PRSS23: variants seen among roughly 807,000 people sequenced by gnomAD.
The protein encoded by PRSS23 is serine protease 23.
Under a neutral mutation model 34.7 loss-of-function variants are expected in PRSS23, and 25 were observed. That is an observed-to-expected ratio of 0.72 (90% CI 0.53 to 1.01). PRSS23 has a LOEUF of 1.01. Among genes scored for constraint, PRSS23 ranks in the 50% least tolerant of loss-of-function variants. The probability of loss-of-function intolerance (pLI) is 0.00; values close to 1 mark genes in which losing one functional copy is unlikely to be tolerated. For missense variants in PRSS23, 445 were observed against 475.6 expected (o/e 0.94, Z 0.60); for synonymous variants, 176 against 186.6 (o/e 0.94, Z 0.46).
At chr11:86,823,259 A>G (rs2134876343) in intron 1 of PRSS23, 3 of 623,976 alleles carry the variant, frequency 4.8e-6, no homozygotes, top group East Asian at 2.7e-5. Flanking sequence ...AAAAAAATGT[A>G]TGATTAATCT....
chr11:86,813,072 T>C (rs7108490), downstream of PRSS23, among the ~76,000 whole-genome samples: 22,498 of 152,172 alleles, frequency 0.15, 2,252 homozygotes, highest in East Asian at 0.42. Flanking sequence ...ATCTGACTCA[T>C]TGCAGTGATG....
Position 86,856,007 on chromosome 11 carries a change from A to G in PRSS23, c.206+32414A>G, listed in dbSNP as rs555870239. ...ATTGAAACAAATTTTTTAAAAATAT[A>G]TATTTTAAAAATGTCTCAGAATGTG... On this transcript the variant is annotated intron_variant, in intron 2 of 2. Coordinates refer to the PRSS23 transcript ENST00000533902. Among the ~76,000 whole-genome samples, 303 of 152,326 alleles carry G rather than the reference A, an allele frequency of 2.0e-3. 1 individual carries two copies. Among genetic ancestry groups the G allele is most frequent in the African/African-American group, 7.0e-3 (292 of 41,582 alleles).
chr11:86,820,538 T>C (rs1948244530), intron 1 of PRSS23, among the ~76,000 whole-genome samples: 1 of 152,204 alleles, frequency 6.6e-6, no homozygotes, highest in Admixed American at 6.5e-5. Context: ...CCTTTCCAAG[T>C]ATGTTATACT....
At chr11:86,862,407 G>A (rs769652476) in intron 2 of PRSS23, among the ~76,000 whole-genome samples, 8 of 151,754 alleles carry the variant, frequency 5.3e-5, no homozygotes, top group Middle Eastern at 3.5e-3. Context: ...ATATGTTACC[G>A]TAATGTCACA....
intron 2 of PRSS23, among the ~76,000 whole-genome samples, chr11:86,839,957 AACATGG>A (rs1277809983): frequency 3.3e-5 from 5 of 151,858 alleles, no homozygotes; most frequent in Non-Finnish European, 1.5e-5. Context: ...GGAAGCACTA[AACATGG>A]AAAGGAACAA....
At chr11:86,877,048 AT>A (rs1206730215) in intron 2 of PRSS23, among the ~76,000 whole-genome samples, 2 of 152,210 alleles carry the variant, frequency 1.3e-5, no homozygotes, top group African/African-American at 2.4e-5. Context: ...GAGGCACTTC[AT>A]GGTGCACTGG....
Position 86,878,583 on chromosome 11 carries a change from G to A in PRSS23, c.206+54990G>A, listed in dbSNP as rs529056388. On this transcript the variant is annotated intron_variant, in intron 2 of 2. Transcript: ENST00000533902. ...CTCAGTGCTCAATGGGGCCCAGGCT[G>A]GAGTGCAGTGGCGTGATCTCGGCTC... is the stretch of plus-strand genomic sequence containing the variant. 6.7e-3 allele frequency among the ~76,000 whole-genome samples: 1,013 copies of A among 152,250 alleles called. 7 individuals carry two copies. The highest frequency in any genetic ancestry group is 8.9e-3 in the Non-Finnish European group (604 of 68,026).
At chr11:86,848,117 C>T (rs1948501336) in intron 2 of PRSS23, among the ~76,000 whole-genome samples, 1 of 152,230 alleles carries the variant, frequency 6.6e-6, no homozygotes, top group South Asian at 2.1e-4. Flanking sequence ...CCCCTTCTCA[C>T]TCTCAAATTT....
chr11:86,858,887 A>G (rs969986327), intron 2 of PRSS23, among the ~76,000 whole-genome samples: 1 of 151,790 alleles, frequency 6.6e-6, no homozygotes, highest in African/African-American at 2.4e-5. Flanking sequence ...ACCCCCTGTG[A>G]TATTGTTCCT....
At position 86,943,539 on chromosome 11, in the gene PRSS23, A is replaced by T. The variant is rs185441126; in HGVS notation, c.207-7677A>T. Among the ~76,000 whole-genome samples, 248 of 152,094 alleles carry T rather than the reference A, an allele frequency of 1.6e-3. 3 individuals are homozygous for T. The East Asian group carries it at 0.045, about 27-fold the overall frequency. ...CTCAGGAGGCTGAGGAAGGAGAATC[A>T]CTTGAACCAGGGAGGCGGAGGTTGC... On this transcript the variant is annotated intron_variant, in intron 2 of 2. Coordinates refer to the PRSS23 transcript ENST00000533902.
chr11:86,891,053 C>G (rs1266579437), intron 2 of PRSS23, among the ~76,000 whole-genome samples: 1 of 152,122 alleles, frequency 6.6e-6, no homozygotes, highest in Admixed American at 6.6e-5. Context: ...AGGGCTTGGT[C>G]TAAAACACCT....
At chr11:86,931,383 A>G (rs1475871917) in intron 2 of PRSS23, among the ~76,000 whole-genome samples, 1 of 152,204 alleles carries the variant, frequency 6.6e-6, no homozygotes, top group Non-Finnish European at 1.5e-5. Context: ...ATTGTGGTGT[A>G]TTTCTACAAT....
At chr11:86,932,390 G>C (rs1260185814) in intron 2 of PRSS23, among the ~76,000 whole-genome samples, 2 of 152,198 alleles carry the variant, frequency 1.3e-5, no homozygotes, top group Non-Finnish European at 2.9e-5. Context: ...GTCAGTTCCT[G>C]AAGCAGGGGC....
chr11:86,949,379 G>A (rs1439330012), intron 2 of PRSS23: 4 of 150,502 alleles, frequency 2.7e-5, no homozygotes, highest in Admixed American at 1.3e-4. Context: ...TTGAGTCCCT[G>A]GAAATGTTTT....
chr11:86,834,788 A>G (rs1029927098), intron 2 of PRSS23, among the ~76,000 whole-genome samples: 2 of 152,102 alleles, frequency 1.3e-5, no homozygotes, highest in African/African-American at 4.8e-5. Context: ...GAGTCTGTAT[A>G]TATATTTACC....
At chr11:86,883,796 G>C (rs1948785663) in intron 2 of PRSS23, among the ~76,000 whole-genome samples, 1 of 152,124 alleles carries the variant, frequency 6.6e-6, no homozygotes, top group Non-Finnish European at 1.5e-5. Context: ...TCATTTCAAA[G>C]TGTTTTCTAA....
intron 2 of PRSS23, among the ~76,000 whole-genome samples, chr11:86,928,638 G>A (rs1949100032): frequency 8.7e-6 from 1 of 115,112 alleles, no homozygotes; most frequent in African/African-American, 3.4e-5. Context: ...TCGCGCCACT[G>A]CACTCCAGCC....
At chr11:86,859,032 C>A (rs757005395) in intron 2 of PRSS23, among the ~76,000 whole-genome samples, 3 of 151,810 alleles carry the variant, frequency 2.0e-5, no homozygotes. Context: ...GTACACACAC[C>A]GGTCTAAAAT....
At chr11:86,846,697 T>C (rs1451018599) in intron 2 of PRSS23, among the ~76,000 whole-genome samples, 1 of 152,220 alleles carries the variant, frequency 6.6e-6, no homozygotes, top group Non-Finnish European at 1.5e-5. Context: ...TTTCCTCATC[T>C]TGTAAGCAAG....
Sources: gnomAD v4.1 joint callset for allele counts (sites outside exome capture counted in the v4.1 genomes callset) on GRCh38, gnomAD v4.1.1 for gene constraint, MANE v1.5 for transcripts, NCBI Gene and HGNC (gene_info 2026-07-23, HGNC 2026-07-21) for gene names.